The following AHCY variants were observed in gnomAD, a reference collection of about 807,000 sequenced individuals.
AHCY encodes S-adenosyl-L-homocysteine hydrolase.
In AHCY, 24 loss-of-function variants were observed where a neutral mutation model predicts 45.4. The observed-to-expected ratio is 0.53, with a 90% CI of 0.38 to 0.74. The LOEUF is 0.74. Among genes scored for constraint, AHCY ranks in the 30% least tolerant of loss-of-function variants. The probability of loss-of-function intolerance (pLI) is 0.00; values close to 1 mark genes in which losing one functional copy is unlikely to be tolerated. For synonymous variants in AHCY, 245 were observed against 235.1 expected, an observed-to-expected ratio of 1.04 and a Z score of -0.39; for missense variants, 449 against 594.1, an observed-to-expected ratio of 0.76 and a Z score of 2.54.
chr20:34,281,261 G>T, intron 9 of AHCY, 96 bp from the exon 10 acceptor site: 2 of 1,557,184 alleles, frequency 1.3e-6, no homozygotes, highest in Non-Finnish European at 1.8e-6. Context: ...TTCTGTTAGG[G>T]TTTCTGCCAT....
the AHCY span, among the ~76,000 whole-genome samples, chr20:34,264,023 TG>T: frequency 6.6e-6 from 1 of 152,066 alleles, no homozygotes. Flanking sequence ...AAAAAACAGG[TG>T]AATCTTGTTA....
upstream of AHCY, among the ~76,000 whole-genome samples, chr20:34,304,615 G>A (rs1093782): frequency 6.6e-6 from 1 of 151,452 alleles, no homozygotes; most frequent in South Asian, 2.1e-4. Context: ...CACCTCCCGG[G>A]TTCAAGCAAT....
upstream of AHCY, chr20:34,303,440 G>T: frequency 1.0e-6 from 1 of 980,394 alleles, no homozygotes; most frequent in Admixed American, 2.2e-5. Context: ...AACGCGCAGG[G>T]CGGAGCCGGA....
chr20:34,295,399 G>A lies in AHCY; in HGVS notation c.215C>T (p.Ala72Val). ...TGATACAGCTGTGGGCCTCACCTCAGCACCCAGGGTGACGAGGGTCTCAAT... is the reference window on the plus strand; with the variant it reads ...TGATACAGCTGTGGGCCTCACCTCAACACCCAGGGTGACGAGGGTCTCAAT... ...VLIETLVTLG[A>V]EVQWSSCNIF... Residue 72 changes from alanine to valine, a missense_variant, in exon 2 of 10, where the codon GCT becomes GTT. Ala to Val is a moderately conservative substitution (Grantham distance 64). Transcript: ENST00000217426. The A allele has an allele frequency of 6.2e-7, 1 of 1,614,062 alleles. No homozygotes were observed.
At chr20:34,303,432 C>G (rs2036851998), upstream of AHCY, 11 of 1,044,144 alleles carry the variant, frequency 1.1e-5, no homozygotes, top group Non-Finnish European at 1.4e-6. Context: ...CGGGGCCCAA[C>G]GCGCAGGGCG....
intron 8 of AHCY, among the ~76,000 whole-genome samples, chr20:34,286,899 G>A (rs1043277864): frequency 4.7e-5 from 7 of 149,606 alleles, no homozygotes; most frequent in African/African-American, 1.7e-4. Flanking sequence ...TATTCCTGTG[G>A]CCCACAGTGT....
chr20:34,257,990 A>G, the AHCY span, among the ~76,000 whole-genome samples: 1 of 152,112 alleles, frequency 6.6e-6, no homozygotes, highest in Non-Finnish European at 1.5e-5. Flanking sequence ...CAAAAAATAC[A>G]AAAATTAGCT....
At chr20:34,293,985 T>C in intron 3 of AHCY, 96 bp downstream of exon 3, 1 of 1,278,016 alleles carries the variant, frequency 7.8e-7, no homozygotes, top group East Asian at 2.4e-5. Flanking sequence ...TCTCCCTTTC[T>C]GATATGTAAG....
At position 34,292,358 on chromosome 20, in the gene AHCY, C is replaced by T; in HGVS notation, c.445G>A (p.Gly149Ser). Residue 149 changes from glycine to serine, a missense_variant and splice_region_variant, in exon 4 of 10, where the codon GGC (glycine) becomes AGC (serine). By Grantham distance (56) the Gly-to-Ser change is moderately conservative. Coordinates refer to ENST00000217426, the MANE Select transcript of AHCY (RefSeq NM_000687.4). ...IHTKYPQLLPGIRGISEETTT... is the reference protein window; with the variant it reads ...IHTKYPQLLPSIRGISEETTT... ...AGCCCACCTGCCCCGCCCTGCTCAC[C>T]TGGCAGAAGCTGCGGGTACTTGGTG... The T allele has an allele frequency of 6.2e-7, 1 of 1,612,980 alleles. No homozygotes were observed. Among genetic ancestry groups the T allele is most frequent in the Non-Finnish European group, 8.5e-7 (1 of 1,179,912 alleles).
At chr20:34,251,240 T>C in the AHCY span, among the ~76,000 whole-genome samples, 1 of 152,126 alleles carries the variant, frequency 6.6e-6, no homozygotes, top group African/African-American at 2.4e-5. Context: ...TAAGGAAACA[T>C]AATAAGTGAC....
intron 4 of AHCY, 112 bp downstream of exon 4, chr20:34,292,246 A>T: frequency 1.5e-6 from 2 of 1,378,702 alleles, no homozygotes; most frequent in Non-Finnish European, 2.0e-6. Context: ...CCCATCTTCC[A>T]GATCCTGCTG....
At chr20:34,263,595 T>C in the AHCY span, among the ~76,000 whole-genome samples, 2 of 147,662 alleles carry the variant, frequency 1.4e-5, no homozygotes, top group Non-Finnish European at 3.0e-5. Flanking sequence ...ACTTAAAAAA[T>C]GCAGTTGACT....
the AHCY span, among the ~76,000 whole-genome samples, chr20:34,235,896 A>AGC: frequency 1.0e-5 from 1 of 95,754 alleles, no homozygotes; most frequent in African/African-American, 1.3e-4. Flanking sequence ...GAAGGAAGGA[A>AGC]GGAAAGGAAG....
the AHCY span, among the ~76,000 whole-genome samples, chr20:34,269,855 A>G: frequency 2.1e-5 from 3 of 146,136 alleles, no homozygotes; most frequent in Non-Finnish European, 4.5e-5. Flanking sequence ...GAGGCAGGAG[A>G]ATCGCTTGAA....
At chr20:34,247,300 CTTT>C in the AHCY span, among the ~76,000 whole-genome samples, 7 of 120,646 alleles carry the variant, frequency 5.8e-5, no homozygotes, top group Admixed American at 1.7e-4. Flanking sequence ...TTATATGATG[CTTT>C]TTTTTTTTTT....
In AHCY at chr20:34,290,319, G is replaced by T. The variant is rs372880260; in HGVS notation, c.972+13C>A. The T allele has an allele frequency of 2.5e-6, 4 of 1,613,102 alleles. No homozygotes were observed. The highest frequency in any genetic ancestry group is 3.4e-6 in the Non-Finnish European group (4 of 1,179,492). On this transcript the variant is annotated intron_variant, in intron 8 of 9. Transcript: ENST00000217426. The surrounding 1 kb of genome is among the most constrained non-coding windows in gnomAD (Gnocchi z 4.5). The stretch of plus-strand genomic sequence containing the variant: ...CATCTGCCCAGCCCACTGGCAAGGC[G>T]GGAGCTTCTCACCTGCGGCTTGATG...
chr20:34,268,665 T>C, the AHCY span, among the ~76,000 whole-genome samples: 2 of 150,440 alleles, frequency 1.3e-5, no homozygotes, highest in Non-Finnish European at 3.0e-5. Context: ...GAGCCCGAGA[T>C]CGAGATTGCA....
chr20:34,273,677 A>G, the AHCY span, among the ~76,000 whole-genome samples: 1 of 152,238 alleles, frequency 6.6e-6, no homozygotes, highest in African/African-American at 2.4e-5. Flanking sequence ...CAAGAAAAGA[A>G]TTTAATTTGA....
At position 34,295,419 on chromosome 20, in the gene AHCY, C is replaced by A; in HGVS notation, c.195G>T (p.Glu65Asp). The A allele has an allele frequency of 6.2e-7, 1 of 1,614,034 alleles. No individual in the cohort carries two copies. The highest frequency in any genetic ancestry group is 8.5e-7 in the Non-Finnish European group (1 of 1,179,912). ...CCTCAGCACCCAGGGTGACGAGGGT[C>A]TCAATGAGGACGGCCGTCTCCACGG... ...HMTVETAVLI[E>D]TLVTLGAEVQ... The change falls in exon 2 of 10, where the codon GAG becomes GAT. Residue 65 changes from glutamate to aspartate, a missense_variant. Transcript: ENST00000217426.
Sources: allele counts gnomAD v4.1 joint callset (sites outside exome capture counted in the v4.1 genomes callset), GRCh38; gene constraint gnomAD v4.1.1; non-coding constraint Gnocchi (gnomAD v3.1); transcripts MANE v1.5; gene names NCBI Gene and HGNC (gene_info 2026-07-23, HGNC 2026-07-21).